Variants in SNAP25 observed in about 807,000 individuals in gnomAD.
SNAP25 encodes the protein synaptosomal-associated protein 25.
A neutral mutation model predicts 28.7 loss-of-function variants in SNAP25; 3 were observed. That is an observed-to-expected ratio of 0.10 (90% confidence interval 0.05 to 0.27). The LOEUF is 0.27. Ranked by LOEUF, SNAP25 falls within the 10% of genes least tolerant of loss-of-function variation. The pLI is 1.00. For missense variants in SNAP25, 117 were observed against 278.7 expected (o/e 0.42, Z 4.13); for synonymous variants, 61 against 88.1 (o/e 0.69, Z 1.72).
chr20:10,227,891 C>T (rs2062760958), intron 1 of SNAP25, among the ~76,000 whole-genome samples: 1 of 152,092 alleles, frequency 6.6e-6, no homozygotes, highest in Admixed American at 6.6e-5. Context: ...TTTTCAGGGT[C>T]ACATATTTGC....
intron 3 of SNAP25, among the ~76,000 whole-genome samples, chr20:10,280,827 T>G (rs2123038511): frequency 6.6e-6 from 1 of 152,308 alleles, no homozygotes; most frequent in East Asian, 1.9e-4. Flanking sequence ...CTTTCAAGAC[T>G]TTCAAGACAC....
chr20:10,242,940 G>A (rs1013822937), intron 1 of SNAP25, among the ~76,000 whole-genome samples: 11 of 152,224 alleles, frequency 7.2e-5, no homozygotes, highest in African/African-American at 2.7e-4. Flanking sequence ...AATAAACATG[G>A]CCTATTAGCA....
chr20:10,291,583 A>G (rs143010801), intron 4 of SNAP25, among the ~76,000 whole-genome samples: 1 of 152,224 alleles, frequency 6.6e-6, no homozygotes, highest in Non-Finnish European at 1.5e-5. Context: ...AAGAAAACAC[A>G]GTAGGCTTTT....
intron 1 of SNAP25, among the ~76,000 whole-genome samples, chr20:10,261,232 T>G (rs2063409753): frequency 6.6e-6 from 1 of 152,168 alleles, no homozygotes; most frequent in Non-Finnish European, 1.5e-5. Context: ...TCCTCCCAGC[T>G]TTAAGGTAAC....
At chr20:10,242,218 T>A (rs1386962264) in intron 1 of SNAP25, among the ~76,000 whole-genome samples, 3 of 151,922 alleles carry the variant, frequency 2.0e-5, no homozygotes, top group Non-Finnish European at 4.4e-5. Context: ...GGGGAAAGAA[T>A]GGGGCGGGAG....
intron 1 of SNAP25, among the ~76,000 whole-genome samples, chr20:10,271,477 G>A (rs1030744076): frequency 3.3e-5 from 5 of 152,162 alleles, no homozygotes; most frequent in Admixed American, 2.6e-4. Context: ...AATCACAGAC[G>A]TATCTCCATG....
chr20:10,238,298 C>T (rs2062960143), intron 1 of SNAP25, among the ~76,000 whole-genome samples: 1 of 152,168 alleles, frequency 6.6e-6, no homozygotes, highest in Admixed American at 6.5e-5. Flanking sequence ...GGGTCCCAAG[C>T]AAATTGAACT....
At chr20:10,299,191 T>C in intron 6 of SNAP25, 77 bp from the exon 7 acceptor site, 1 of 1,512,396 alleles carries the variant, frequency 6.6e-7, no homozygotes, top group South Asian at 1.3e-5. Context: ...ACGACAGATT[T>C]CCACTATGCT....
At chr20:10,259,117 A>G (rs1418854750) in intron 1 of SNAP25, among the ~76,000 whole-genome samples, 1 of 152,214 alleles carries the variant, frequency 6.6e-6, no homozygotes, top group East Asian at 1.9e-4. Context: ...ATATATATAC[A>G]AAGATATATG....
At chr20:10,299,844 G>A (rs562890574) in intron 7 of SNAP25, among the ~76,000 whole-genome samples, 6 of 152,296 alleles carry the variant, frequency 3.9e-5, no homozygotes, top group African/African-American at 1.4e-4. Context: ...CAAAGTTCGG[G>A]AAAATCTCAG....
intron 1 of SNAP25, among the ~76,000 whole-genome samples, chr20:10,238,072 G>A (rs2062955459): frequency 6.6e-6 from 1 of 152,118 alleles, no homozygotes. Context: ...TTACCCTAGG[G>A]GCTGGGATCA....
chr20:10,263,226 A>T (rs1332481937), intron 1 of SNAP25, among the ~76,000 whole-genome samples: 1 of 151,668 alleles, frequency 6.6e-6, no homozygotes, highest in African/African-American at 2.4e-5. Context: ...TCACTGGCTT[A>T]GCCAGGATGG....
chr20:10,299,192 C>G (rs1411039969), intron 6 of SNAP25, 76 bp from the exon 7 acceptor site: 5 of 1,520,388 alleles, frequency 3.3e-6, no homozygotes, highest in Non-Finnish European at 4.5e-6. Flanking sequence ...CGACAGATTT[C>G]CACTATGCTT....
chr20:10,256,271 C>A (rs894916441), intron 1 of SNAP25, among the ~76,000 whole-genome samples: 3 of 152,088 alleles, frequency 2.0e-5, no homozygotes, highest in Non-Finnish European at 2.9e-5. Flanking sequence ...TACGAAGGAC[C>A]ATTAATTAAC....
intron 1 of SNAP25, among the ~76,000 whole-genome samples, chr20:10,265,423 A>C (rs952031909): frequency 3.3e-5 from 5 of 152,204 alleles, no homozygotes; most frequent in African/African-American, 9.6e-5. Flanking sequence ...TATCAGCACC[A>C]TCCACAGAGT....
intron 1 of SNAP25, among the ~76,000 whole-genome samples, chr20:10,227,647 A>C (rs1030673027): frequency 6.6e-6 from 1 of 152,134 alleles, no homozygotes; most frequent in Admixed American, 6.5e-5. Flanking sequence ...CAGGAGTTAA[A>C]ATGCTAACGA....
chr20:10,276,302 T>A (rs902586487), intron 2 of SNAP25, among the ~76,000 whole-genome samples: 2 of 152,182 alleles, frequency 1.3e-5, no homozygotes, highest in African/African-American at 4.8e-5. Flanking sequence ...TTTAAAAATT[T>A]AAAAATCAGA....
At chr20:10,265,699 T>C (rs907216719) in intron 1 of SNAP25, among the ~76,000 whole-genome samples, 2 of 152,124 alleles carry the variant, frequency 1.3e-5, no homozygotes, top group Non-Finnish European at 2.9e-5. Context: ...TGGGAGTCTG[T>C]AGGACATGTG....
Position 10,299,284 on chromosome 20 carries a change from C to T in SNAP25, c.424C>T (p.Arg142Ter), listed in dbSNP as rs1235064890. 1 of 1,613,546 alleles carries T rather than the reference C, an allele frequency of 6.2e-7. No homozygotes were observed. Among genetic ancestry groups the T allele is most frequent in the Non-Finnish European group, 8.5e-7 (1 of 1,179,836 alleles). The change falls in exon 7 of 8, where the codon CGA becomes TGA. Residue 142 changes from arginine (R) to a stop codon, truncating the protein, a stop_gained. Transcript: ENST00000254976. LOFTEE classifies it high-confidence loss of function. ...GFIRRVTNDA[R>*]ENEMDENLEQ... ...GGATCCCAGGGTAACAAATGATGCCCGAGAAAATGAAATGGATGAAAACCT... is the reference window on the plus strand; with the variant it reads ...GGATCCCAGGGTAACAAATGATGCCTGAGAAAATGAAATGGATGAAAACCT...
Sources: gnomAD v4.1 joint callset for allele counts (sites outside exome capture counted in the v4.1 genomes callset) on GRCh38, gnomAD v4.1.1 for gene constraint, MANE v1.5 for transcripts, NCBI Gene and HGNC (gene_info 2026-07-23, HGNC 2026-07-21) for gene names.